PTPRG: variants seen among roughly 807,000 people sequenced by gnomAD.
PTPRG encodes the protein protein tyrosine phosphatase receptor type G.
PTPRG carries 102 observed loss-of-function variants against 165.3 expected under a neutral mutation model. The observed-to-expected ratio is 0.62, with a 90% CI of 0.53 to 0.73. PTPRG has a LOEUF of 0.73. Among genes scored for constraint, PTPRG ranks in the 30% least tolerant of loss-of-function variants. The pLI, the probability that PTPRG is intolerant of heterozygous loss-of-function variation, is 0.00. For missense variants in PTPRG, 1,866 were observed against 1,861.4 expected (o/e 1.00, Z -0.05); for synonymous variants, 675 against 669.5 (o/e 1.01, Z -0.13).
intron 2 of PTPRG, among the ~76,000 whole-genome samples, chr3:61,774,706 T>C (rs2034315034): frequency 6.6e-6 from 1 of 152,188 alleles, no homozygotes; most frequent in Non-Finnish European, 1.5e-5. Flanking sequence ...GTTGCATGGA[T>C]TAGTGCATGC....
At chr3:62,099,232 T>G (rs1482322903) in intron 5 of PTPRG, among the ~76,000 whole-genome samples, 1 of 152,230 alleles carries the variant, frequency 6.6e-6, no homozygotes, top group Non-Finnish European at 1.5e-5. Flanking sequence ...TAGTTGAAGA[T>G]TCTCATAACC....
At chr3:61,850,708 A>G (rs1349563886) in intron 2 of PTPRG, among the ~76,000 whole-genome samples, 1 of 152,156 alleles carries the variant, frequency 6.6e-6, no homozygotes, top group Non-Finnish European at 1.5e-5. Flanking sequence ...ATTGACATTA[A>G]GATGGTAGTT....
intron 2 of PTPRG, among the ~76,000 whole-genome samples, chr3:61,964,962 G>T (rs779730217): frequency 1.3e-5 from 2 of 152,136 alleles, no homozygotes; most frequent in Non-Finnish European, 2.9e-5. Flanking sequence ...AGAATCCGGG[G>T]CCGGGTGCAG....
At chr3:61,826,276 A>G (rs1425688995) in intron 2 of PTPRG, among the ~76,000 whole-genome samples, 1 of 152,172 alleles carries the variant, frequency 6.6e-6, no homozygotes, top group Admixed American at 6.5e-5. Flanking sequence ...CCCTACGGTG[A>G]GTAGTATATA....
intron 2 of PTPRG, among the ~76,000 whole-genome samples, chr3:61,900,987 G>C (rs967137931): frequency 7.2e-5 from 11 of 152,144 alleles, no homozygotes; most frequent in African/African-American, 2.2e-4. Flanking sequence ...GTGGAAATAA[G>C]CATAGAAACT....
At chr3:61,575,080 C>T (rs1452804576) in intron 1 of PTPRG, among the ~76,000 whole-genome samples, 4 of 152,266 alleles carry the variant, frequency 2.6e-5, no homozygotes, top group South Asian at 2.1e-4. Flanking sequence ...ACCATAGCAG[C>T]GCATAACTTT....
intron 2 of PTPRG, among the ~76,000 whole-genome samples, chr3:61,968,428 T>A (rs1305652065): frequency 6.6e-6 from 1 of 152,170 alleles, no homozygotes; most frequent in East Asian, 1.9e-4. Context: ...TAACTGTTCC[T>A]TTGCTGAGTT....
intron 2 of PTPRG, among the ~76,000 whole-genome samples, chr3:61,764,765 G>A (rs1264345982): frequency 6.6e-6 from 1 of 152,166 alleles, no homozygotes; most frequent in African/African-American, 2.4e-5. Context: ...TTCTGGCCCT[G>A]TATTCTTGCT....
At chr3:61,766,862 T>A (rs937833473) in intron 2 of PTPRG, among the ~76,000 whole-genome samples, 1 of 151,928 alleles carries the variant, frequency 6.6e-6, no homozygotes, top group Non-Finnish European at 1.5e-5. Flanking sequence ...TCAAATGATC[T>A]GCACACCTTG....
In PTPRG at chr3:61,748,875, C is replaced by T. The variant is rs200642453; in HGVS notation, c.86-3C>T. 1.9e-6 allele frequency: 3 copies of T among 1,612,530 alleles called. No individual in the cohort carries two copies. Among genetic ancestry groups the T allele is most frequent in the Non-Finnish European group, 2.5e-6 (3 of 1,179,726 alleles). On this transcript the variant is annotated splice_region_variant and splice_polypyrimidine_tract_variant and intron_variant, in intron 1 of 29. Transcript: ENST00000474889. ...TCTCATTGTGGGTTTTCCTCTCTTC[C>T]AGCGTTGACAGAAGGCTACGTTGGG...
chr3:62,292,283 T>C, intron 28 of PTPRG, 138 bp from the exon 29 acceptor site: 1 of 974,946 alleles, frequency 1.0e-6, no homozygotes, highest in Admixed American at 2.7e-5. Context: ...CCCACCAGCA[T>C]TTCATTCAGT....
intron 2 of PTPRG, among the ~76,000 whole-genome samples, chr3:61,758,936 G>A (rs750833652): frequency 6.6e-5 from 10 of 152,106 alleles, no homozygotes; most frequent in Non-Finnish European, 1.3e-4. Context: ...TCATTTAAGC[G>A]AAGAAAGTAA....
At chr3:61,925,801 G>A (rs2039195457) in intron 2 of PTPRG, 2 of 450,470 alleles carry the variant, frequency 4.4e-6, no homozygotes, top group South Asian at 1.6e-5. Flanking sequence ...CTATACGCCA[G>A]TGTTCACCAG....
intron 2 of PTPRG, among the ~76,000 whole-genome samples, chr3:61,937,016 CT>C (rs747939076): frequency 6.6e-6 from 1 of 151,868 alleles, no homozygotes; most frequent in Non-Finnish European, 1.5e-5. Flanking sequence ...GCAGAGGAGG[CT>C]TTTTTTTGAG....
intron 23 of PTPRG, among the ~76,000 whole-genome samples, chr3:62,274,284 A>G (rs991843882): frequency 1.3e-5 from 2 of 152,198 alleles, no homozygotes; most frequent in African/African-American, 2.4e-5. Flanking sequence ...AAGAATTACT[A>G]AACAATACTA....
intron 4 of PTPRG, among the ~76,000 whole-genome samples, chr3:62,007,569 A>T (rs1559742849): frequency 1.3e-5 from 2 of 152,216 alleles, no homozygotes; most frequent in African/African-American, 4.8e-5. Flanking sequence ...TTTCTTGAGT[A>T]TCTTCTGTTG....
chr3:61,819,449 G>T (rs1482298255), intron 2 of PTPRG, among the ~76,000 whole-genome samples: 2 of 152,188 alleles, frequency 1.3e-5, no homozygotes, highest in African/African-American at 4.8e-5. Context: ...TGAATTTGGG[G>T]AAGGATAGCA....
At chr3:62,060,772 A>G (rs903637309) in intron 4 of PTPRG, among the ~76,000 whole-genome samples, 2 of 152,172 alleles carry the variant, frequency 1.3e-5, no homozygotes, top group Admixed American at 1.3e-4. Flanking sequence ...TCTTGCCTGC[A>G]TTTTCAGTTC....
intron 28 of PTPRG, 24 bp from the exon 29 acceptor site, chr3:62,292,397 G>T (rs746570994): frequency 1.9e-6 from 3 of 1,599,708 alleles, no homozygotes; most frequent in Non-Finnish European, 2.6e-6. Context: ...ATCTGAAATC[G>T]TATCTTTTTT....
Sources: allele counts gnomAD v4.1 joint callset (sites outside exome capture counted in the v4.1 genomes callset), GRCh38; gene constraint gnomAD v4.1.1; transcripts MANE v1.5; gene names NCBI Gene and HGNC (gene_info 2026-07-23, HGNC 2026-07-21).